The following EVI5 variants were observed in gnomAD, a reference collection of about 807,000 sequenced individuals.
EVI5 encodes ecotropic viral integration site 5 protein homolog.
In EVI5, 73 loss-of-function variants were observed where a neutral mutation model predicts 112.0. That is an observed-to-expected ratio of 0.65 (90% CI 0.54 to 0.79). The LOEUF (loss-of-function observed/expected upper bound fraction) is 0.79. EVI5 is among the 30% of genes least tolerant of loss of function. EVI5 has a pLI of 0.00. For missense variants in EVI5, 900 were observed against 968.8 expected, an observed-to-expected ratio of 0.93 and a Z score of 0.94; for synonymous variants, 305 against 319.9, an observed-to-expected ratio of 0.95 and a Z score of 0.50.
intron 19 of EVI5, among the ~76,000 whole-genome samples, chr1:92,515,727 C>G (rs1659756469): frequency 6.6e-6 from 1 of 152,146 alleles, no homozygotes; most frequent in Admixed American, 6.5e-5. Flanking sequence ...CATACACTTT[C>G]AAAACTAACG....
chr1:92,711,150 G>A (rs930593196), intron 2 of EVI5, among the ~76,000 whole-genome samples: 2 of 152,148 alleles, frequency 1.3e-5, no homozygotes, highest in Non-Finnish European at 2.9e-5. Context: ...TACAAGGGAG[G>A]AAAGGGAAAA....
chr1:92,707,226 T>C (rs1436549307), intron 2 of EVI5, among the ~76,000 whole-genome samples: 1 of 146,618 alleles, frequency 6.8e-6, no homozygotes, highest in East Asian at 2.0e-4. Flanking sequence ...TCACAGCCTT[T>C]GGGGTAGGCA....
At position 92,668,708 on chromosome 1, in the gene EVI5, A is replaced by G. The variant is rs76391594; in HGVS notation, c.1159-2716T>C. On this transcript the variant is annotated intron_variant, in intron 10 of 19. Coordinates refer to ENST00000684568, the MANE Select transcript of EVI5 (RefSeq NM_001350197.2). ...AATAAATCACCACTTCCTCATTTGT[A>G]TAATATTTACATCAGGAATTGATCA... is the stretch of plus-strand genomic sequence containing the variant. Among the ~76,000 whole-genome samples the G allele has an allele frequency of 2.7e-3, 406 of 152,358 alleles. 2 individuals are homozygous for G. Among genetic ancestry groups the G allele is most frequent in the African/African-American group, 9.4e-3 (391 of 41,592 alleles).
chr1:92,528,465 G>T (rs1662295151), intron 19 of EVI5, among the ~76,000 whole-genome samples: 1 of 152,084 alleles, frequency 6.6e-6, no homozygotes, highest in Non-Finnish European at 1.5e-5. Flanking sequence ...CTAGGCATAT[G>T]AAAAATAGAA....
intron 13 of EVI5, among the ~76,000 whole-genome samples, chr1:92,651,695 C>A (rs1662120675): frequency 1.6e-5 from 2 of 125,926 alleles, no homozygotes; most frequent in African/African-American, 6.2e-5. Flanking sequence ...ATTAAAAATA[C>A]AAAAAATTAG....
At chr1:92,661,679 C>T (rs1316883428) in intron 13 of EVI5, among the ~76,000 whole-genome samples, 1 of 151,848 alleles carries the variant, frequency 6.6e-6, no homozygotes, top group Non-Finnish European at 1.5e-5. Flanking sequence ...TTTTTCTTAG[C>T]AATCTTCAAT....
Position 92,748,773 on chromosome 1 carries a change from T to G in EVI5, c.-81-12146A>C, listed in dbSNP as rs934577047. 2.0e-5 allele frequency among the ~76,000 whole-genome samples: 3 copies of G among 152,090 alleles called. No individual in the cohort carries two copies. In the East Asian group the frequency reaches 5.8e-4, roughly 29 times the overall value. ...TAGGTACAAGTACACTAAGAAAATA[T>G]AAATACATATTGGCCAGTCACGGTG... On this transcript the variant is annotated intron_variant, in intron 1 of 19. Coordinates refer to ENST00000684568, the MANE Select transcript of EVI5 (RefSeq NM_001350197.2).
chr1:92,726,728 T>C (rs1481456140), intron 2 of EVI5, among the ~76,000 whole-genome samples: 2 of 152,114 alleles, frequency 1.3e-5, no homozygotes, highest in Non-Finnish European at 2.9e-5. Context: ...AATAATGTAG[T>C]GTAGAGTTTA....
chr1:92,544,419 A>G (rs1233476392), intron 19 of EVI5, among the ~76,000 whole-genome samples: 1 of 152,214 alleles, frequency 6.6e-6, no homozygotes, highest in East Asian at 1.9e-4. Context: ...CAGATTGAAA[A>G]TAAGTAATTT....
At chr1:92,674,837 T>G (rs1666458753) in intron 10 of EVI5, among the ~76,000 whole-genome samples, 1 of 152,120 alleles carries the variant, frequency 6.6e-6, no homozygotes, top group South Asian at 2.1e-4. Context: ...AAGAAAGAAC[T>G]ACATGGAAAC....
At chr1:92,643,841 T>C (rs1660455566) in intron 13 of EVI5, among the ~76,000 whole-genome samples, 2 of 152,206 alleles carry the variant, frequency 1.3e-5, no homozygotes, top group African/African-American at 4.8e-5. Context: ...TATGACATAT[T>C]GAACAAAAGT....
At chr1:92,632,436 C>T (rs1657379146) in intron 14 of EVI5, among the ~76,000 whole-genome samples, 1 of 152,344 alleles carries the variant, frequency 6.6e-6, no homozygotes, top group South Asian at 2.1e-4. Flanking sequence ...AGGAATTTAT[C>T]CATTACTTCC....
intron 18 of EVI5, among the ~76,000 whole-genome samples, chr1:92,571,539 C>T (rs1670322722): frequency 6.6e-6 from 1 of 152,056 alleles, no homozygotes; most frequent in Non-Finnish European, 1.5e-5. Context: ...CTCATTTAAA[C>T]TTGTTAATTC....
chr1:92,664,961 C>T (rs903800899), intron 11 of EVI5, among the ~76,000 whole-genome samples: 1 of 152,218 alleles, frequency 6.6e-6, no homozygotes, highest in Non-Finnish European at 1.5e-5. Context: ...AATCCCAGCA[C>T]TTTCGGAGGC....
intron 1 of EVI5, among the ~76,000 whole-genome samples, chr1:92,748,708 G>GA (rs1403797686): frequency 2.1e-5 from 3 of 143,430 alleles, no homozygotes; most frequent in South Asian, 2.1e-4. Context: ...AAATAATTGA[G>GA]AAAAAAACAT....
chr1:92,675,512 G>A (rs762594252), intron 10 of EVI5, among the ~76,000 whole-genome samples: 2 of 151,982 alleles, frequency 1.3e-5, no homozygotes, highest in Non-Finnish European at 2.9e-5. Context: ...ATAGTGTGGT[G>A]AAATGAACAG....
chr1:92,522,221 G>A (rs896869539), intron 19 of EVI5, among the ~76,000 whole-genome samples: 2 of 152,060 alleles, frequency 1.3e-5, no homozygotes, highest in South Asian at 2.1e-4. Context: ...CTTCAGAGCC[G>A]TCTTATTCTT....
chr1:92,719,445 C>T (rs1278723099), intron 2 of EVI5, among the ~76,000 whole-genome samples: 2 of 151,348 alleles, frequency 1.3e-5, no homozygotes, highest in African/African-American at 2.5e-5. Flanking sequence ...ACGACAAAAA[C>T]CACATGATTA....
intron 16 of EVI5, among the ~76,000 whole-genome samples, chr1:92,623,133 T>C (rs1039189444): frequency 2.6e-5 from 4 of 152,136 alleles, no homozygotes; most frequent in Non-Finnish European, 5.9e-5. Context: ...AAAATAAAAC[T>C]TCCCATTGTA....
Sources: gnomAD v4.1 joint callset for allele counts (sites outside exome capture counted in the v4.1 genomes callset) on GRCh38, gnomAD v4.1.1 for gene constraint, MANE v1.5 for transcripts, NCBI Gene and HGNC (gene_info 2026-07-23, HGNC 2026-07-21) for gene names.